Variants in PPP4R3B observed in about 807,000 individuals in gnomAD.
PPP4R3B encodes protein phosphatase 4 regulatory subunit 3B.
A neutral mutation model predicts 95.4 loss-of-function variants in PPP4R3B; 52 were observed. That is an observed-to-expected ratio of 0.54 (90% CI 0.44 to 0.69). PPP4R3B has a LOEUF of 0.69. PPP4R3B is among the 30% of genes least tolerant of loss of function. The pLI is 0.00. For missense variants in PPP4R3B, 1,003 were observed against 1,005.9 expected (o/e 1.00, Z 0.04); for synonymous variants, 407 against 343.9 (o/e 1.18, Z -2.03).
At chr2:55,588,825 C>T (rs1363682548) in intron 5 of PPP4R3B, 54 bp downstream of exon 5, 9 of 1,162,496 alleles carry the variant, frequency 7.7e-6, no homozygotes, top group Non-Finnish European at 1.1e-5. Context: ...AGATTAAAAG[C>T]TGTGCATGCC....
intron 7 of PPP4R3B, among the ~76,000 whole-genome samples, chr2:55,583,101 T>C (rs182831610): frequency 1.3e-3 from 200 of 152,260 alleles, no homozygotes; most frequent in Non-Finnish European, 2.1e-3. Context: ...AAGGAAATGT[T>C]TGAATGCTGA....
At chr2:55,586,186 T>A (rs1574813643) in intron 6 of PPP4R3B, among the ~76,000 whole-genome samples, 4 of 152,208 alleles carry the variant, frequency 2.6e-5, no homozygotes, top group Admixed American at 2.6e-4. Flanking sequence ...CATTTTTAAA[T>A]GAATGCTTTA....
intron 13 of PPP4R3B, among the ~76,000 whole-genome samples, chr2:55,567,588 G>T (rs1054122854): frequency 3.3e-5 from 5 of 152,054 alleles, no homozygotes; most frequent in African/African-American, 1.2e-4. Flanking sequence ...GCTAATTTCT[G>T]TATTTTTAGT....
Position 55,548,879 on chromosome 2 carries a change from T to C in PPP4R3B, c.*1032A>G, listed in dbSNP as rs1349275377. 1 of 152,674 alleles carries C rather than the reference T, an allele frequency of 6.5e-6. No homozygotes were observed. Among genetic ancestry groups the C allele is most frequent in the Non-Finnish European group, 1.5e-5 (1 of 68,040 alleles). 9.5% of individuals were successfully genotyped at this position (152,674 alleles called of 1,614,324 possible). Reference sequence around the variant, plus strand: ...ACGTATATGGAATGTGCTTTTACTCTTCTTAAAAAAGCAGCTTTCATATCA... The same window carrying C: ...ACGTATATGGAATGTGCTTTTACTCCTCTTAAAAAAGCAGCTTTCATATCA... On this transcript the variant is annotated 3_prime_UTR_variant, in exon 17 of 17. Coordinates refer to ENST00000616407, the MANE Select transcript of PPP4R3B (RefSeq NM_001122964.3).
intron 11 of PPP4R3B, among the ~76,000 whole-genome samples, chr2:55,574,360 TA>T (rs1688377642): frequency 6.6e-6 from 1 of 151,876 alleles, no homozygotes; most frequent in Non-Finnish European, 1.5e-5. Context: ...ATGAACATGA[TA>T]ATAATACCTT....
At chr2:55,596,018 G>A (rs1691727696) in intron 4 of PPP4R3B, among the ~76,000 whole-genome samples, 1 of 152,142 alleles carries the variant, frequency 6.6e-6, no homozygotes, top group Non-Finnish European at 1.5e-5. Flanking sequence ...GGATTAACAT[G>A]ATAAATATAG....
At chr2:55,564,595 A>C in intron 14 of PPP4R3B, 98 bp from the exon 15 acceptor site, 1 of 1,032,682 alleles carries the variant, frequency 9.7e-7, no homozygotes, top group African/African-American at 1.6e-5. Flanking sequence ...AACTGAAGTA[A>C]TTTTAACTGA....
At chr2:55,583,874 A>T (rs1390232840) in intron 7 of PPP4R3B, among the ~76,000 whole-genome samples, 1 of 152,238 alleles carries the variant, frequency 6.6e-6, no homozygotes, top group East Asian at 1.9e-4. Flanking sequence ...GTGGTAACTG[A>T]TGCAAGCATC....
In PPP4R3B at chr2:55,611,294, T is replaced by C. The variant is rs541430715; in HGVS notation, c.198+4157A>G. 3.9e-4 allele frequency among the ~76,000 whole-genome samples: 60 copies of C among 152,354 alleles called. No homozygotes were observed. In the East Asian group the frequency reaches 4.6e-3, roughly 12 times the overall value. Reference sequence around the variant, plus strand: ...CTCCAGCCTCAGCCTCCCAAGGAGCTGGGACCACAAGCACACGCCACCACA... The same window carrying C: ...CTCCAGCCTCAGCCTCCCAAGGAGCCGGGACCACAAGCACACGCCACCACA... On this transcript the variant is annotated intron_variant, in intron 2 of 16. Coordinates refer to ENST00000616407, the MANE Select transcript of PPP4R3B (RefSeq NM_001122964.3).
At chr2:55,591,872 C>T (rs1691079925) in intron 4 of PPP4R3B, among the ~76,000 whole-genome samples, 1 of 152,140 alleles carries the variant, frequency 6.6e-6, no homozygotes, top group Admixed American at 6.5e-5. Context: ...TAACTTAAAG[C>T]CTATCATATA....
At chr2:55,613,980 T>C (rs575786018) in intron 2 of PPP4R3B, among the ~76,000 whole-genome samples, 15 of 152,274 alleles carry the variant, frequency 9.9e-5, no homozygotes, top group African/African-American at 3.1e-4. Flanking sequence ...GTCTAAGGTA[T>C]AGGAAACATC....
At chr2:55,584,512 C>G (rs1314164635) in intron 7 of PPP4R3B, among the ~76,000 whole-genome samples, 1 of 152,084 alleles carries the variant, frequency 6.6e-6, no homozygotes, top group Non-Finnish European at 1.5e-5. Context: ...CACCCTTTCC[C>G]CAAGTCCCCA....
At chr2:55,552,471 GCAACCT>G (rs1180920129) in intron 16 of PPP4R3B, among the ~76,000 whole-genome samples, 2 of 152,132 alleles carry the variant, frequency 1.3e-5, no homozygotes, top group East Asian at 3.8e-4. Context: ...TCAGTTCACT[GCAACCT>G]CTGTCTCCAG....
At chr2:55,593,334 A>G (rs1044265876) in intron 4 of PPP4R3B, among the ~76,000 whole-genome samples, 5 of 152,172 alleles carry the variant, frequency 3.3e-5, no homozygotes, top group African/African-American at 1.2e-4. Flanking sequence ...GCCACTGACT[A>G]TGCTAAGTAC....
intron 11 of PPP4R3B, among the ~76,000 whole-genome samples, chr2:55,575,869 C>G (rs559966795): frequency 6.6e-6 from 1 of 152,294 alleles, no homozygotes; most frequent in East Asian, 1.9e-4. Flanking sequence ...AACTACAATG[C>G]TATTGGAAAT....
chr2:55,597,453 T>C (rs1211469751), intron 4 of PPP4R3B, among the ~76,000 whole-genome samples: 1 of 151,952 alleles, frequency 6.6e-6, no homozygotes, highest in African/African-American at 2.4e-5. Context: ...AAACCTTGTC[T>C]CTACTAAAAA....
chr2:55,580,697 T>C lies in PPP4R3B; in HGVS notation c.1365+870A>G, dbSNP rs374771204. On this transcript the variant is annotated intron_variant, in intron 8 of 16. Transcript: ENST00000616407. ...ATAATGTCTATGGCTTTTGCCACTA[T>C]TTTTTACACAATTGGGTATACAAAC... Among the ~76,000 whole-genome samples, 29 of 152,314 alleles carry C rather than the reference T, an allele frequency of 1.9e-4. No homozygotes were observed. In the East Asian group the frequency reaches 2.7e-3, roughly 14 times the overall value.
intron 4 of PPP4R3B, among the ~76,000 whole-genome samples, chr2:55,592,430 AATCT>A (rs1484874966): frequency 1.3e-5 from 2 of 152,218 alleles, no homozygotes; most frequent in African/African-American, 4.8e-5. Context: ...GAATGGGCCA[AATCT>A]AGTAAGATAA....
chr2:55,564,107 T>C (rs1197936116), intron 15 of PPP4R3B, among the ~76,000 whole-genome samples: 1 of 152,158 alleles, frequency 6.6e-6, no homozygotes, highest in East Asian at 1.9e-4. Context: ...CATTACAAAA[T>C]AGCAAGTTTG....
Sources: gnomAD v4.1 joint callset for allele counts (sites outside exome capture counted in the v4.1 genomes callset) on GRCh38, gnomAD v4.1.1 for gene constraint, MANE v1.5 for transcripts, NCBI Gene and HGNC (gene_info 2026-07-23, HGNC 2026-07-21) for gene names.